PCSK2: variants seen among roughly 807,000 people sequenced by gnomAD.
The protein encoded by PCSK2 is neuroendocrine convertase 2.
In PCSK2, 14 loss-of-function variants were observed where a neutral mutation model predicts 69.7. The observed-to-expected ratio is 0.20, with a 90% CI of 0.13 to 0.31. PCSK2 has a LOEUF of 0.31. PCSK2 is among the 10% of genes least tolerant of loss of function. PCSK2 has a pLI of 1.00. For synonymous variants in PCSK2, 307 were observed against 320.7 expected (o/e 0.96, Z 0.46); for missense variants, 544 against 842.5 (o/e 0.65, Z 4.39).
At chr20:17,271,866 T>A (rs961958364) in intron 2 of PCSK2, among the ~76,000 whole-genome samples, 1 of 152,120 alleles carries the variant, frequency 6.6e-6, no homozygotes, top group Non-Finnish European at 1.5e-5. Flanking sequence ...TTCCATGCAC[T>A]ACCATTTTGC....
intron 2 of PCSK2, among the ~76,000 whole-genome samples, chr20:17,273,832 T>C (rs552225938): frequency 6.6e-6 from 1 of 152,300 alleles, no homozygotes; most frequent in South Asian, 2.1e-4. Context: ...TTGATTAATA[T>C]AATGCTGTTG....
intron 7 of PCSK2, among the ~76,000 whole-genome samples, chr20:17,435,778 GGA>G (rs1358267069): frequency 6.6e-6 from 1 of 152,212 alleles, no homozygotes; most frequent in Non-Finnish European, 1.5e-5. Context: ...GACAAAGCCT[GGA>G]GAGAGGCATG....
chr20:17,266,795 C>G (rs2123013274), intron 2 of PCSK2, among the ~76,000 whole-genome samples: 1 of 152,180 alleles, frequency 6.6e-6, no homozygotes, highest in South Asian at 2.1e-4. Flanking sequence ...ACCTTTGTGC[C>G]CCCATAATGA....
intron 7 of PCSK2, among the ~76,000 whole-genome samples, chr20:17,429,887 A>T (rs2032329245): frequency 6.6e-6 from 1 of 152,170 alleles, no homozygotes; most frequent in Non-Finnish European, 1.5e-5. Context: ...ACAGCAAAAA[A>T]AAAATGGTTA....
chr20:17,284,534 G>A (rs1340936), intron 2 of PCSK2, among the ~76,000 whole-genome samples: 13,914 of 152,218 alleles, frequency 0.091, 811 homozygotes, highest in African/African-American at 0.15. Context: ...TAAAGATCTC[G>A]CTGGGCTTTA....
At chr20:17,333,888 A>G (rs1315049148) in intron 2 of PCSK2, among the ~76,000 whole-genome samples, 1 of 105,166 alleles carries the variant, frequency 9.5e-6, no homozygotes, top group Non-Finnish European at 2.0e-5. Context: ...ATTTCCATAC[A>G]TTTCTTCCTT....
At chr20:17,276,924 A>G (rs565812404) in intron 2 of PCSK2, among the ~76,000 whole-genome samples, 16 of 152,284 alleles carry the variant, frequency 1.1e-4, no homozygotes, top group African/African-American at 2.9e-4. Context: ...TACACCAACA[A>G]CAGACAAACA....
intron 1 of PCSK2, among the ~76,000 whole-genome samples, chr20:17,235,623 A>C (rs1310944123): frequency 6.6e-6 from 1 of 152,166 alleles, no homozygotes; most frequent in Non-Finnish European, 1.5e-5. Context: ...TCACTCTTCT[A>C]AAGTTTTAAG....
chr20:17,334,468 A>G (rs971843038), intron 2 of PCSK2, among the ~76,000 whole-genome samples: 7 of 152,336 alleles, frequency 4.6e-5, no homozygotes, highest in Middle Eastern at 3.4e-3. Context: ...CACAAAGTGC[A>G]GTTAGTGGTG....
intron 2 of PCSK2, among the ~76,000 whole-genome samples, chr20:17,356,150 T>C (rs1348072688): frequency 6.6e-6 from 1 of 151,872 alleles, no homozygotes; most frequent in African/African-American, 2.4e-5. Context: ...TGCATAAGTA[T>C]ATATATATAT....
intron 6 of PCSK2, among the ~76,000 whole-genome samples, chr20:17,428,931 C>T (rs140533739): frequency 1.3e-3 from 161 of 123,966 alleles, no homozygotes; most frequent in African/African-American, 4.7e-3. Flanking sequence ...CCCAGGAAGT[C>T]GAAGCTGCAG....
chr20:17,433,814 C>CTCTCTCTCTCTCTCCCTCTCT (rs1555795288), intron 7 of PCSK2, among the ~76,000 whole-genome samples: 1 of 70,840 alleles, frequency 1.4e-5, no homozygotes, highest in Non-Finnish European at 2.5e-5. Flanking sequence ...TCTCTCTCTC[C>CTCTCTCTCTCTCTCCCTCTCT]CCCCACTTCC....
At chr20:17,268,543 C>T (rs6044713) in intron 2 of PCSK2, among the ~76,000 whole-genome samples, 2 of 152,190 alleles carry the variant, frequency 1.3e-5, no homozygotes, top group East Asian at 3.9e-4. Context: ...GGAAAAAGGC[C>T]TGGAATCCAA....
At chr20:17,456,180 G>A (rs772953503) in intron 9 of PCSK2, among the ~76,000 whole-genome samples, 168 bp from the exon 10 acceptor site, 9 of 152,174 alleles carry the variant, frequency 5.9e-5, no homozygotes, top group Non-Finnish European at 1.0e-4. Context: ...GGCGGAGGTT[G>A]CCATGAGCCA....
intron 2 of PCSK2, among the ~76,000 whole-genome samples, chr20:17,334,778 G>A (rs1990300108): frequency 1.3e-5 from 2 of 152,128 alleles, no homozygotes; most frequent in South Asian, 2.1e-4. Flanking sequence ...GGAAATCTGC[G>A]CCACCAACTG....
At chr20:17,447,048 T>C (rs1387990345) in intron 8 of PCSK2, among the ~76,000 whole-genome samples, 1 of 151,444 alleles carries the variant, frequency 6.6e-6, no homozygotes, top group Non-Finnish European at 1.5e-5. Flanking sequence ...AGGTCAGGAG[T>C]TTGGGACCAG....
chr20:17,351,436 T>G (rs1000765306), intron 2 of PCSK2, among the ~76,000 whole-genome samples: 1 of 152,068 alleles, frequency 6.6e-6, no homozygotes, highest in Non-Finnish European at 1.5e-5. Flanking sequence ...TGAACATAGA[T>G]GTAAAAATTC....
At chr20:17,263,916 A>G (rs1162270598) in intron 2 of PCSK2, among the ~76,000 whole-genome samples, 4 of 152,214 alleles carry the variant, frequency 2.6e-5, no homozygotes, top group Admixed American at 2.0e-4. Context: ...ATACCTTCTC[A>G]ACATCAGGGT....
At chr20:17,299,127 G>C (rs960397805) in intron 2 of PCSK2, among the ~76,000 whole-genome samples, 5 of 151,864 alleles carry the variant, frequency 3.3e-5, no homozygotes, top group Non-Finnish European at 7.4e-5. Context: ...TTTTTTGCTA[G>C]AAAGGTCTTG....
Sources: allele counts gnomAD v4.1 joint callset (sites outside exome capture counted in the v4.1 genomes callset), GRCh38; gene constraint gnomAD v4.1.1; transcripts MANE v1.5; gene names NCBI Gene and HGNC (gene_info 2026-07-23, HGNC 2026-07-21).